SMARCA5: variants seen among roughly 807,000 people sequenced by gnomAD.
The protein encoded by SMARCA5 is SNF2 related chromatin remodeling ATPase 5.
A neutral mutation model predicts 140.4 loss-of-function variants in SMARCA5; 18 were observed. That is an observed-to-expected ratio of 0.13 (90% CI 0.09 to 0.19). The LOEUF (loss-of-function observed/expected upper bound fraction) is 0.19, where lower values mean the gene tolerates loss of function less well. Among genes scored for constraint, SMARCA5 ranks in the 10% least tolerant of loss-of-function variants. The probability of loss-of-function intolerance (pLI) is 1.00; values close to 1 mark genes in which losing one functional copy is unlikely to be tolerated. For missense variants in SMARCA5, 606 were observed against 1,276.8 expected, an observed-to-expected ratio of 0.47 and a Z score of 8.01; for synonymous variants, 449 against 419.6, an observed-to-expected ratio of 1.07 and a Z score of -0.86.
rs1737747988 is a variant in SMARCA5, at chr4:143,556,158, A to T, written c.*2974A>T. 6.6e-6 allele frequency: 1 copy of T among 152,210 alleles called. No homozygotes were observed. Among genetic ancestry groups the T allele is most frequent in the African/African-American group, 2.4e-5 (1 of 41,456 alleles). 9.4% of individuals were successfully genotyped at this position (152,210 alleles called of 1,614,324 possible). On this transcript the variant is annotated 3_prime_UTR_variant, in exon 24 of 24. Coordinates refer to ENST00000283131, the MANE Select transcript of SMARCA5 (RefSeq NM_003601.4). ...GATAAGTATAATGCAAGTATTCTAA[A>T]GTCTGGAAAATGCTAAAAACACTTC... is the stretch of plus-strand genomic sequence containing the variant.
intron 14 of SMARCA5, among the ~76,000 whole-genome samples, chr4:143,542,651 G>A (rs1420616936): frequency 6.6e-6 from 1 of 152,102 alleles, no homozygotes; most frequent in African/African-American, 2.4e-5. Context: ...AAAAATCAAA[G>A]CTTTGTTTAG....
chr4:143,532,702 C>T (rs969831750), intron 9 of SMARCA5, among the ~76,000 whole-genome samples: 5 of 145,578 alleles, frequency 3.4e-5, no homozygotes, highest in African/African-American at 1.0e-4. Context: ...AACACCTTAA[C>T]CCCCCTTTAG....
In SMARCA5 at chr4:143,553,430, G is replaced by A. The variant is rs1011844023; in HGVS notation, c.*246G>A. 8.3e-6 allele frequency: 3 copies of A among 360,338 alleles called. No individual in the cohort carries two copies. The highest frequency in any genetic ancestry group is 4.4e-5 in the Admixed American group (1 of 22,870). The allele number at this position is 360,338 out of a possible 1,614,324, so 22.3% of individuals were successfully genotyped here. ...TCATTTATTACTAAGTGTTTCATTTGATTTATTTTTCTATTGTAGTTCCAT... is the reference window on the plus strand; with the variant it reads ...TCATTTATTACTAAGTGTTTCATTTAATTTATTTTTCTATTGTAGTTCCAT... On this transcript the variant is annotated 3_prime_UTR_variant, in exon 24 of 24. Transcript: ENST00000283131.
At chr4:143,538,483 G>T in intron 11 of SMARCA5, 107 bp from the exon 12 acceptor site, 4 of 835,152 alleles carry the variant, frequency 4.8e-6, no homozygotes, top group Non-Finnish European at 7.5e-6. Flanking sequence ...TTGTAACCAA[G>T]TAGGTAGCTT....
At chr4:143,536,765 C>G in intron 11 of SMARCA5, 87 bp downstream of exon 11, 1 of 881,900 alleles carries the variant, frequency 1.1e-6, no homozygotes, top group Non-Finnish European at 1.8e-6. Flanking sequence ...AATGACTGCT[C>G]TGATGCTTTC....
chr4:143,521,497 A>G lies in SMARCA5; in HGVS notation c.321A>G (p.Gln107=). The change falls in exon 3 of 24, where the codon CAA becomes CAG. Residue 107 remains glutamine (Q), a synonymous_variant. Coordinates refer to ENST00000283131, the MANE Select transcript of SMARCA5 (RefSeq NM_003601.4). ...KQTELFAHFI[Q]PAAQKTPTSP... is the part of the protein sequence containing the mutation. ...CAGAACTTTTTGCACATTTCATTCA[A>G]CCTGCTGCTCAGAAGACTCCAACTT... 5 of 1,613,638 alleles carry G rather than the reference A, an allele frequency of 3.1e-6. No homozygotes were observed. Among genetic ancestry groups the G allele is most frequent in the Non-Finnish European group, 4.2e-6 (5 of 1,179,750 alleles).
intron 3 of SMARCA5, among the ~76,000 whole-genome samples, chr4:143,523,355 A>C (rs922849331): frequency 6.6e-6 from 1 of 152,096 alleles, no homozygotes; most frequent in African/African-American, 2.4e-5. Flanking sequence ...TAAGTCATTC[A>C]CGATTATATT....
Position 143,528,575 on chromosome 4 carries a change from T to G in SMARCA5, c.958-8T>G. ...ATTCTAATGGTGTATTTGGTTCTTT[T>G]CTTTCAGTTGTCAGAAATAGTGAGG... On this transcript the variant is annotated splice_polypyrimidine_tract_variant and splice_region_variant and intron_variant, in intron 7 of 23. Transcript: ENST00000283131. The G allele has an allele frequency of 6.2e-7, 1 of 1,609,156 alleles. No individual in the cohort carries two copies. Among genetic ancestry groups the G allele is most frequent in the East Asian group, 2.2e-5 (1 of 44,760 alleles).
Position 143,536,690 on chromosome 4 carries a change from C to T in SMARCA5, c.1495+12C>T, listed in dbSNP as rs1351464953. On this transcript the variant is annotated intron_variant, in intron 11 of 23. Coordinates refer to ENST00000283131, the MANE Select transcript of SMARCA5 (RefSeq NM_003601.4). ...GTTAAAAGAACAAGGTATCGGTTAC[C>T]CGTATCAAATTATCAAAACTGTTTT... 2 of 1,571,624 alleles carry T rather than the reference C, an allele frequency of 1.3e-6. No individual in the cohort carries two copies. Among genetic ancestry groups the T allele is most frequent in the Non-Finnish European group, 1.7e-6 (2 of 1,143,378 alleles).
At position 143,547,435 on chromosome 4, in the gene SMARCA5, G is replaced by A. The variant is rs2149824911; in HGVS notation, c.2704G>A (p.Ala902Thr). ...GCTCCAGGACATAGAGAAGATTATG[G>A]CTCAGATTGAAAGGGGAGAGGCGAG... ...NELQDIEKIM[A>T]QIERGEARIQ... Residue 902 changes from alanine to threonine, a missense_variant, in exon 21 of 24, where the codon GCT (alanine) becomes ACT (threonine). Physicochemically the swap from Ala to Thr is moderately conservative, Grantham distance 58. This residue lies in a region of SMARCA5 where 121 missense variants were observed against 227.1 expected (regional missense o/e 0.53). Coordinates refer to ENST00000283131, the MANE Select transcript of SMARCA5 (RefSeq NM_003601.4). 2.5e-6 allele frequency: 4 copies of A among 1,611,084 alleles called. No individual in the cohort carries two copies. The highest frequency in any genetic ancestry group is 2.5e-6 in the Non-Finnish European group (3 of 1,177,648).
chr4:143,550,744 G>A (rs527733396), intron 23 of SMARCA5, among the ~76,000 whole-genome samples: 2 of 152,116 alleles, frequency 1.3e-5, no homozygotes, highest in Admixed American at 6.6e-5. Context: ...CATCCATGTT[G>A]CTGCAAATTA....
intron 2 of SMARCA5, among the ~76,000 whole-genome samples, chr4:143,520,176 T>G (rs1159570148): frequency 1.3e-5 from 2 of 152,318 alleles, no homozygotes; most frequent in East Asian, 3.9e-4. Context: ...CCAAACATAA[T>G]TACAATAATT....
At chr4:143,516,385 A>G (rs921529752) in intron 1 of SMARCA5, among the ~76,000 whole-genome samples, 2 of 152,018 alleles carry the variant, frequency 1.3e-5, no homozygotes, top group Non-Finnish European at 2.9e-5. Context: ...TATTGACTAG[A>G]TTGATTAAAT....
At chr4:143,549,738 A>C (rs1737605223) in intron 22 of SMARCA5, among the ~76,000 whole-genome samples, 1 of 152,102 alleles carries the variant, frequency 6.6e-6, no homozygotes, top group South Asian at 2.1e-4. Context: ...TTATTGCTTT[A>C]ATTCCTAAGT....
chr4:143,513,999 C>T lies in SMARCA5; in HGVS notation c.75C>T (p.Ala25=). 1 of 1,549,326 alleles carries T rather than the reference C, an allele frequency of 6.5e-7. No individual in the cohort carries two copies. Among genetic ancestry groups the T allele is most frequent in the East Asian group, 2.4e-5 (1 of 41,604 alleles). The change falls in exon 1 of 24, where the codon GCC becomes GCT. Residue 25 remains alanine, a synonymous_variant. Transcript: ENST00000283131. Reference sequence around the variant, plus strand: ...CTTCCAAGCCCGCAGCCTCGATCGCCAGCGGCGGGAGCAACAGCAGCAACA... The same window carrying T: ...CTTCCAAGCCCGCAGCCTCGATCGCTAGCGGCGGGAGCAACAGCAGCAACA... ...SAPSKPAASI[A]SGGSNSSNKG... is the part of the protein sequence containing the mutation.
chr4:143,541,768 T>A (rs1415115102), intron 14 of SMARCA5, among the ~76,000 whole-genome samples: 1 of 152,236 alleles, frequency 6.6e-6, no homozygotes, highest in Non-Finnish European at 1.5e-5. Context: ...GGTGATATAA[T>A]GGCTAATGTT....
At chr4:143,532,278 G>A (rs941951612) in intron 9 of SMARCA5, among the ~76,000 whole-genome samples, 5 of 152,164 alleles carry the variant, frequency 3.3e-5, no homozygotes, top group African/African-American at 1.2e-4. Flanking sequence ...CAAGGATTGT[G>A]GAGTGTATAT....
At chr4:143,517,514 T>A in intron 2 of SMARCA5, 85 bp downstream of exon 2, 3 of 771,178 alleles carry the variant, frequency 3.9e-6, no homozygotes, top group Non-Finnish European at 6.1e-6. Context: ...CTTAGTCCAT[T>A]TTGTGTTACA....
At chr4:143,545,001 G>A in intron 17 of SMARCA5, among the ~76,000 whole-genome samples, 154 bp downstream of exon 17, 1 of 146,622 alleles carries the variant, frequency 6.8e-6, no homozygotes, top group African/African-American at 2.5e-5. Flanking sequence ...GGAGTTCAGT[G>A]GTGCGATCTC....
Sources: gnomAD v4.1 joint callset for allele counts (sites outside exome capture counted in the v4.1 genomes callset) on GRCh38, gnomAD v4.1.1 for gene constraint, gnomAD v4.1.1 regional missense constraint, MANE v1.5 for transcripts, NCBI Gene and HGNC (gene_info 2026-07-23, HGNC 2026-07-21) for gene names.